The following ELP4 variants were observed in gnomAD, a reference collection of about 807,000 sequenced individuals.
ELP4 encodes elongator acetyltransferase complex subunit 4.
In ELP4, 51 loss-of-function variants were observed where a neutral mutation model predicts 48.9. The ratio of observed to expected loss-of-function variants is 1.04; its 90% CI spans 0.83 to 1.32. The LOEUF (loss-of-function observed/expected upper bound fraction) is 1.32. ELP4 is among the 40% of genes most tolerant of loss of function. The pLI, the probability that ELP4 is intolerant of heterozygous loss-of-function variation, is 0.00. For synonymous variants in ELP4, 210 were observed against 189.2 expected (o/e 1.11, Z -0.90); for missense variants, 519 against 514.6 (o/e 1.01, Z -0.08).
At chr11:31,608,726 T>C (rs1418456884) in intron 5 of ELP4, among the ~76,000 whole-genome samples, 1 of 151,880 alleles carries the variant, frequency 6.6e-6, no homozygotes, top group Non-Finnish European at 1.5e-5. Flanking sequence ...CAGTGAAGCA[T>C]GATAAGGAAG....
chr11:31,739,206 G>T (rs1454111172), intron 9 of ELP4, among the ~76,000 whole-genome samples: 1 of 152,162 alleles, frequency 6.6e-6, no homozygotes, highest in Non-Finnish European at 1.5e-5. Context: ...TAAAAGTGTA[G>T]TGACACAATT....
chr11:31,719,171 T>A (rs1457291360), intron 9 of ELP4, among the ~76,000 whole-genome samples: 1 of 151,004 alleles, frequency 6.6e-6, no homozygotes, highest in Non-Finnish European at 1.5e-5. Flanking sequence ...GAGGGGAGGA[T>A]CTCTTGAGCC....
At chr11:31,575,374 T>A (rs1027254988) in intron 3 of ELP4, among the ~76,000 whole-genome samples, 1 of 152,130 alleles carries the variant, frequency 6.6e-6, no homozygotes, top group Non-Finnish European at 1.5e-5. Context: ...CTGCAGGATA[T>A]TATCCAGGAG....
intron 1 of ELP4, among the ~76,000 whole-genome samples, chr11:31,517,804 G>A (rs28408849): frequency 6.6e-6 from 1 of 151,630 alleles, no homozygotes; most frequent in Non-Finnish European, 1.5e-5. Flanking sequence ...ATTTTTAGTA[G>A]AGACTGGATT....
At chr11:31,558,768 T>G (rs1956969264) in intron 3 of ELP4, among the ~76,000 whole-genome samples, 1 of 152,156 alleles carries the variant, frequency 6.6e-6, no homozygotes, top group Non-Finnish European at 1.5e-5. Context: ...CCAATTTAAT[T>G]TAAGAAATTT....
intron 9 of ELP4, among the ~76,000 whole-genome samples, chr11:31,708,346 T>C (rs1946676024): frequency 6.6e-6 from 1 of 152,148 alleles, no homozygotes; most frequent in Non-Finnish European, 1.5e-5. Context: ...ATATTCAGGT[T>C]TATATTTCAC....
chr11:31,574,244 G>A (rs916125516), intron 3 of ELP4, among the ~76,000 whole-genome samples: 3 of 152,170 alleles, frequency 2.0e-5, no homozygotes, highest in African/African-American at 4.8e-5. Flanking sequence ...GGGGAGGGAC[G>A]TCCACCATTG....
chr11:31,754,865 CTA>C (rs1947799890), intron 9 of ELP4, among the ~76,000 whole-genome samples: 1 of 152,132 alleles, frequency 6.6e-6, no homozygotes, highest in African/African-American at 2.4e-5. Context: ...GAGCAAGACT[CTA>C]TGTCAAAAAT....
At chr11:31,757,935 T>C (rs1947865586) in intron 9 of ELP4, among the ~76,000 whole-genome samples, 1 of 152,230 alleles carries the variant, frequency 6.6e-6, no homozygotes, top group Non-Finnish European at 1.5e-5. Context: ...AACATTGGAA[T>C]AGTGTCTGTC....
chr11:31,736,108 G>T (rs1947310370), intron 9 of ELP4, among the ~76,000 whole-genome samples: 1 of 152,152 alleles, frequency 6.6e-6, no homozygotes, highest in African/African-American at 2.4e-5. Flanking sequence ...AAACAGCATG[G>T]TACTGGTACC....
intron 9 of ELP4, among the ~76,000 whole-genome samples, chr11:31,775,593 C>T (rs112349188): frequency 3.3e-5 from 5 of 151,992 alleles, no homozygotes; most frequent in East Asian, 1.9e-4. Context: ...TCAGCACTTT[C>T]GGAGGCCAAG....
intron 7 of ELP4, chr11:31,633,122 A>T (rs985229957): frequency 1.3e-5 from 2 of 152,118 alleles, no homozygotes; most frequent in Non-Finnish European, 1.5e-5. Flanking sequence ...TTTCCTAGAT[A>T]TTCAGTAAAT....
At chr11:31,602,000 G>A (rs1369248510) in intron 4 of ELP4, among the ~76,000 whole-genome samples, 1 of 152,004 alleles carries the variant, frequency 6.6e-6, no homozygotes, top group Admixed American at 6.6e-5. Flanking sequence ...CATGGATTAA[G>A]GACACCAGTG....
intron 7 of ELP4, chr11:31,647,244 C>T (rs966727171): frequency 1.3e-5 from 2 of 151,990 alleles, no homozygotes; most frequent in African/African-American, 4.8e-5. Context: ...TAATATGTCA[C>T]AGAGGACCTC....
chr11:31,509,825 C>G lies in ELP4; in HGVS notation c.41C>G (p.Thr14Ser), dbSNP rs745713244. Reference protein sequence around the residue: ...VATCGSVAASTGSAVATASKS... With the variant: ...VATCGSVAASSGSAVATASKS... ...ACCTGCGGTAGTGTTGCCGCGAGTACTGGGTCTGCAGTGGCGACAGCCAGC... is the reference window on the plus strand; with the variant it reads ...ACCTGCGGTAGTGTTGCCGCGAGTAGTGGGTCTGCAGTGGCGACAGCCAGC... Residue 14 changes from threonine (T) to serine (S), a missense_variant, in exon 1 of 10, where the codon ACT becomes AGT. Coordinates refer to ENST00000640961, the MANE Select transcript of ELP4 (RefSeq NM_019040.5). 3.7e-6 allele frequency: 6 copies of G among 1,614,048 alleles called. No homozygotes were observed. The highest frequency in any genetic ancestry group is 4.2e-6 in the Non-Finnish European group (5 of 1,180,036).
intron 9 of ELP4, among the ~76,000 whole-genome samples, chr11:31,671,711 T>C (rs1038482311): frequency 4.6e-5 from 7 of 152,080 alleles, no homozygotes; most frequent in Admixed American, 2.6e-4. Flanking sequence ...TACCAAAACA[T>C]GTATCCTCAC....
intron 3 of ELP4, among the ~76,000 whole-genome samples, chr11:31,590,988 C>G (rs1478159695): frequency 6.6e-6 from 1 of 152,064 alleles, no homozygotes; most frequent in Non-Finnish European, 1.5e-5. Flanking sequence ...GATCTTTGGT[C>G]CATCAATGGA....
At chr11:31,693,263 C>G (rs1405414753) in intron 9 of ELP4, among the ~76,000 whole-genome samples, 1 of 152,024 alleles carries the variant, frequency 6.6e-6, no homozygotes, top group Admixed American at 6.6e-5. Context: ...TACCCATTAA[C>G]TCGTCATTTA....
At chr11:31,515,917 T>C (rs952972459) in intron 1 of ELP4, among the ~76,000 whole-genome samples, 1 of 152,170 alleles carries the variant, frequency 6.6e-6, no homozygotes, top group African/African-American at 2.4e-5. Flanking sequence ...GAGACCATCC[T>C]GGCTAACACG....
Sources: gnomAD v4.1 joint callset for allele counts (sites outside exome capture counted in the v4.1 genomes callset) on GRCh38, gnomAD v4.1.1 for gene constraint, MANE v1.5 for transcripts, NCBI Gene and HGNC (gene_info 2026-07-23, HGNC 2026-07-21) for gene names.